The following AFG2A variants were observed in gnomAD, a reference collection of about 807,000 sequenced individuals.
AFG2A encodes ATPase family gene 2 protein homolog A.
At chr4:123,294,833 C>G in the AFG2A span, among the ~76,000 whole-genome samples, 1 of 152,054 alleles carries the variant, frequency 6.6e-6, no homozygotes, top group Non-Finnish European at 1.5e-5. Context: ...AACCAGGGGC[C>G]AAGGATAATA....
the AFG2A span, among the ~76,000 whole-genome samples, chr4:123,145,884 T>A: frequency 6.6e-6 from 1 of 152,160 alleles, no homozygotes; most frequent in African/African-American, 2.4e-5. Flanking sequence ...TTTATGTTAT[T>A]TCTTAATCTT....
the AFG2A span, among the ~76,000 whole-genome samples, chr4:123,183,466 G>T: frequency 4.6e-5 from 7 of 152,090 alleles, no homozygotes; most frequent in African/African-American, 1.7e-4. Context: ...GTGAATAAAA[G>T]TTTATTTCAT....
At chr4:122,938,757 A>AT in the AFG2A span, among the ~76,000 whole-genome samples, 30 of 150,994 alleles carry the variant, frequency 2.0e-4, no homozygotes, top group East Asian at 5.9e-4. Context: ...CACCTGGCTA[A>AT]TTTTTTTTTA....
chr4:123,044,415 C>T, the AFG2A span, among the ~76,000 whole-genome samples: 1 of 152,138 alleles, frequency 6.6e-6, no homozygotes, highest in East Asian at 1.9e-4. Flanking sequence ...CATTTGTAAA[C>T]TGCTATCTCA....
chr4:123,014,345 T>C, the AFG2A span, among the ~76,000 whole-genome samples: 2 of 152,186 alleles, frequency 1.3e-5, no homozygotes, highest in Admixed American at 1.3e-4. Flanking sequence ...TATGCTGTTG[T>C]CATATCTGAG....
the AFG2A span, among the ~76,000 whole-genome samples, chr4:123,270,523 A>G: frequency 6.6e-6 from 1 of 152,216 alleles, no homozygotes; most frequent in Non-Finnish European, 1.5e-5. Flanking sequence ...TGCTTTGTGC[A>G]TCAAGGAATT....
chr4:122,965,084 C>T, the AFG2A span, among the ~76,000 whole-genome samples: 1 of 152,108 alleles, frequency 6.6e-6, no homozygotes, highest in South Asian at 2.1e-4. Context: ...AAATTTTATG[C>T]TCAACTTTTA....
chr4:123,292,091 T>C, the AFG2A span, among the ~76,000 whole-genome samples: 1 of 152,226 alleles, frequency 6.6e-6, no homozygotes, highest in Admixed American at 6.5e-5. Flanking sequence ...TATCTTTTTC[T>C]GATTTGGTTG....
the AFG2A span, among the ~76,000 whole-genome samples, chr4:122,978,942 C>T: frequency 1.3e-5 from 2 of 152,302 alleles, no homozygotes; most frequent in South Asian, 4.1e-4. Context: ...GCAGGGGGTG[C>T]TTCCTGGGTT....
the AFG2A span, chr4:123,028,460 C>G: frequency 1.5e-6 from 2 of 1,372,202 alleles, no homozygotes; most frequent in East Asian, 4.6e-5. Context: ...TTCTCTGACT[C>G]CTACCTTTAG....
chr4:122,986,022 G>A, the AFG2A span, among the ~76,000 whole-genome samples: 1 of 151,556 alleles, frequency 6.6e-6, no homozygotes, highest in Non-Finnish European at 1.5e-5. Context: ...TCTTGATTTT[G>A]TTTTTGACCC....
the AFG2A span, among the ~76,000 whole-genome samples, chr4:123,101,274 G>A: frequency 1.3e-5 from 2 of 151,878 alleles, no homozygotes; most frequent in East Asian, 1.9e-4. Flanking sequence ...AAACTAGATG[G>A]TTGAGATTAT....
At chr4:123,067,295 G>A in the AFG2A span, among the ~76,000 whole-genome samples, 1 of 151,968 alleles carries the variant, frequency 6.6e-6, no homozygotes, top group Non-Finnish European at 1.5e-5. Context: ...GAGGCGGGCG[G>A]ATCACGAGGT....
At chr4:123,095,043 ATATAT>A in the AFG2A span, among the ~76,000 whole-genome samples, 1,075 of 107,572 alleles carry the variant, frequency 1.0e-2, 11 homozygotes, top group African/African-American at 0.016. Flanking sequence ...AAAAAAAAAA[ATATAT>A]ATATATATAT....
At chr4:122,953,913 C>T in the AFG2A span, among the ~76,000 whole-genome samples, 1 of 152,232 alleles carries the variant, frequency 6.6e-6, no homozygotes, top group South Asian at 2.1e-4. Flanking sequence ...TCTGGGTAGA[C>T]ACTAGCACAC....
chr4:123,007,608 GTA>G, the AFG2A span, among the ~76,000 whole-genome samples: 132 of 18,140 alleles, frequency 7.3e-3, 1 homozygote, highest in South Asian at 0.044. Flanking sequence ...GTGTGTGTGT[GTA>G]TATATATATA....
At chr4:123,177,967 T>C in the AFG2A span, among the ~76,000 whole-genome samples, 1 of 152,234 alleles carries the variant, frequency 6.6e-6, no homozygotes, top group African/African-American at 2.4e-5. Flanking sequence ...TTTGCGTAAT[T>C]TATGTCATTT....
chr4:123,169,777 G>A, the AFG2A span, among the ~76,000 whole-genome samples: 12 of 152,212 alleles, frequency 7.9e-5, no homozygotes, highest in Admixed American at 3.3e-4. Context: ...CACCGCGCCC[G>A]GCCTGTTCTA....
At chr4:123,264,652 G>A in the AFG2A span, among the ~76,000 whole-genome samples, 2 of 152,098 alleles carry the variant, frequency 1.3e-5, no homozygotes, top group Non-Finnish European at 2.9e-5. Flanking sequence ...AGCTAGTCCT[G>A]TACCACTCCC....
Sources: gnomAD v4.1 joint callset for allele counts (sites outside exome capture counted in the v4.1 genomes callset) on GRCh38, gnomAD v4.1.1 for gene constraint, MANE v1.5 for transcripts, NCBI Gene and HGNC (gene_info 2026-07-23, HGNC 2026-07-21) for gene names.